BEGAIN: variants seen among roughly 807,000 people sequenced by gnomAD.
The protein encoded by BEGAIN is brain-enriched guanylate kinase-associated protein.
Under a neutral mutation model 35.8 loss-of-function variants are expected in BEGAIN, and 19 were observed. That is an observed-to-expected ratio of 0.53 (90% CI 0.37 to 0.78). The LOEUF is 0.78. Among genes scored for constraint, BEGAIN ranks in the 30% least tolerant of loss-of-function variants. The pLI is 0.00. For synonymous variants in BEGAIN, 462 were observed against 388.6 expected (o/e 1.19, Z -2.22); for missense variants, 795 against 853.6 (o/e 0.93, Z 0.85).
rs1296613253 is a variant in BEGAIN, at chr14:100,538,524, G to A, written c.1284C>T (p.Leu428=). The change falls in exon 7 of 7, where the codon CTC becomes CTT. Residue 428 remains leucine, a synonymous_variant. Transcript: ENST00000554140. ...SLRAKPGTAR[L]PGEDMRGQWR... ...ACTGGCCCCTCATGTCCTCCCCGGG[G>A]AGCCGGGCGGTCCCCGGCTTGGCCC... The A allele has an allele frequency of 1.3e-6, 2 of 1,519,268 alleles. No homozygotes were observed. The highest frequency in any genetic ancestry group is 2.3e-5 in the Admixed American group (1 of 44,106). 94.1% of individuals were successfully genotyped at this position (1,519,268 alleles called of 1,614,324 possible). A position where few individuals can be genotyped will look rare whatever the true frequency, so the allele number is the denominator to read the frequency against.
intron 1 of BEGAIN, among the ~76,000 whole-genome samples, chr14:100,571,805 C>T (rs770626463): frequency 3.3e-5 from 5 of 152,218 alleles, no homozygotes; most frequent in Non-Finnish European, 7.3e-5. Flanking sequence ...CCAGGCTCAC[C>T]TGGCCCATCC....
In BEGAIN at chr14:100,568,894, C is replaced by T; in HGVS notation, c.43-955G>A. 5.1e-6 allele frequency: 5 copies of T among 985,244 alleles called. No individual in the cohort carries two copies. The highest frequency in any genetic ancestry group is 6.0e-6 in the Non-Finnish European group (5 of 830,160). The allele number at this position is 985,244 out of a possible 1,614,324, so 61.0% of individuals were successfully genotyped here. ...GGGTCCGAGCTCAGGGACCACGCGACAGACCTGGGAAGACTGATGACTGCC... is the reference window on the plus strand; with the variant it reads ...GGGTCCGAGCTCAGGGACCACGCGATAGACCTGGGAAGACTGATGACTGCC... On this transcript the variant is annotated intron_variant, in intron 1 of 6. Transcript: ENST00000554140. This position sits in a 1 kb window ranked among gnomAD's most constrained non-coding sequence, Gnocchi z 7.5.
chr14:100,574,193 C>T (rs2035152921), intron 1 of BEGAIN, among the ~76,000 whole-genome samples: 1 of 152,238 alleles, frequency 6.6e-6, no homozygotes, highest in Non-Finnish European at 1.5e-5. Context: ...CTTATCTGAT[C>T]AATGGGAGAG....
intron 2 of BEGAIN, among the ~76,000 whole-genome samples, chr14:100,559,080 G>A (rs550146953): frequency 1.9e-4 from 29 of 152,306 alleles, no homozygotes; most frequent in Non-Finnish European, 3.2e-4. Context: ...GGGCCCCAGA[G>A]ATGCTCACAC....
At position 100,537,904 on chromosome 14, in the gene BEGAIN, G is replaced by A. The variant is rs1197302523; in HGVS notation, c.*65C>T. On this transcript the variant is annotated 3_prime_UTR_variant, in exon 7 of 7. Transcript: ENST00000554140. ...ACAGCGGGGGCTGGGGAGAGGTGAG[G>A]CCGGCCCTTCTGGGGCACGTGGGCT... The A allele has an allele frequency of 2.0e-6, 3 of 1,526,164 alleles. No homozygotes were observed. Among genetic ancestry groups the A allele is most frequent in the Non-Finnish European group, 2.6e-6 (3 of 1,136,282 alleles). The allele number at this position is 1,526,164 out of a possible 1,614,324, so 94.5% of individuals were successfully genotyped here.
chr14:100,563,050 AG>A lies in BEGAIN; in HGVS notation c.71+4860del, dbSNP rs2034409872. ...CCTTTGAGGGGGGGCGTGGAGGGGC[AG>A]GGCAGGACAGGGTCAGGACCTTCGA... On this transcript the variant is annotated intron_variant, in intron 2 of 6. Coordinates refer to ENST00000554140, the MANE Select transcript of BEGAIN (RefSeq NM_001385089.1). This position sits in a 1 kb window ranked among gnomAD's most constrained non-coding sequence, Gnocchi z 4.2. Among the ~76,000 whole-genome samples the A allele has an allele frequency of 6.6e-6, 1 of 152,158 alleles. No individual in the cohort carries two copies. Among genetic ancestry groups the A allele is most frequent in the African/African-American group, 2.4e-5 (1 of 41,442 alleles).
Position 100,568,351 on chromosome 14 carries a change from C to T in BEGAIN, c.43-412G>A. On this transcript the variant is annotated intron_variant, in intron 1 of 6. Coordinates refer to ENST00000554140, the MANE Select transcript of BEGAIN (RefSeq NM_001385089.1). This position sits in a 1 kb window ranked among gnomAD's most constrained non-coding sequence, Gnocchi z 7.5. ...AACCCTTCCTGCCCCGCGCTCCCTC[C>T]CGGAGGAAGCCGAACCCCGGAATCG... 8.9e-7 allele frequency: 1 copy of T among 1,125,234 alleles called. No individual in the cohort carries two copies. Among genetic ancestry groups the T allele is most frequent in the Non-Finnish European group, 1.2e-6 (1 of 848,270 alleles). The allele number at this position is 1,125,234 out of a possible 1,614,324, so 69.7% of individuals were successfully genotyped here. A position where few individuals can be genotyped will look rare whatever the true frequency, so the allele number is the denominator to read the frequency against.
intron 1 of BEGAIN, chr14:100,569,540 T>A (rs2034998887): frequency 6.5e-6 from 1 of 153,222 alleles, no homozygotes; most frequent in African/African-American, 2.4e-5. Context: ...CTGTCTTTCC[T>A]GGCCCTTTCC....
intron 1 of BEGAIN, among the ~76,000 whole-genome samples, chr14:100,577,014 T>C (rs1393851342): frequency 1.3e-5 from 2 of 152,112 alleles, no homozygotes; most frequent in Non-Finnish European, 2.9e-5. Flanking sequence ...GGTTCAAAAA[T>C]GTAAAAGGAT....
In BEGAIN at chr14:100,567,996, G is replaced by T; in HGVS notation, c.43-57C>A. ...CAGGAGGCGTGCGCTCCGCGGCCGC[G>T]CCGGGCAGAGCCGGGCACAGCGGGC... On this transcript the variant is annotated intron_variant, in intron 1 of 6. Coordinates refer to ENST00000554140, the MANE Select transcript of BEGAIN (RefSeq NM_001385089.1). The surrounding 1 kb of genome is among the most constrained non-coding windows in gnomAD (Gnocchi z 5.1). 7.4e-7 allele frequency: 1 copy of T among 1,358,248 alleles called. No homozygotes were observed. Among genetic ancestry groups the T allele is most frequent in the Non-Finnish European group, 9.6e-7 (1 of 1,036,636 alleles). The allele number at this position is 1,358,248 out of a possible 1,614,324, so 84.1% of individuals were successfully genotyped here. A position where few individuals can be genotyped will look rare whatever the true frequency, so the allele number is the denominator to read the frequency against.
At position 100,546,632 on chromosome 14, in the gene BEGAIN, G is replaced by T. The variant is rs759565546; in HGVS notation, c.102C>A (p.Arg34=). The T allele has an allele frequency of 6.3e-7, 1 of 1,579,782 alleles. No homozygotes were observed. Among genetic ancestry groups the T allele is most frequent in the Non-Finnish European group, 8.6e-7 (1 of 1,167,770 alleles). ...TGTGTGTGGTGTAGGACAGCCGCTT[G>T]CGCAGCTCGCCCTTCTGCTCCTGCA... The part of the protein sequence containing the change: ...SALQEQKGEL[R]KRLSYTTHKL... The change falls in exon 3 of 7, where the codon CGC becomes CGA. Residue 34 remains arginine (R), a synonymous_variant. Transcript: ENST00000554140.
intron 2 of BEGAIN, chr14:100,549,489 T>C (rs1054334177): frequency 6.6e-6 from 1 of 152,456 alleles, no homozygotes; most frequent in Non-Finnish European, 1.5e-5. Context: ...GGGGTTCAGC[T>C]TCTCACACCT....
intron 1 of BEGAIN, among the ~76,000 whole-genome samples, chr14:100,576,067 GGGAAACTGA>G (rs2035195246): frequency 6.6e-6 from 1 of 152,142 alleles, no homozygotes. Flanking sequence ...TTCACTGCTG[GGGAAACTGA>G]GGCATGATGA....
At position 100,545,412 on chromosome 14, in the gene BEGAIN, C is replaced by A. The variant is rs1009133016; in HGVS notation, c.234-346G>T. The A allele has an allele frequency of 4.5e-6, 5 of 1,119,914 alleles. No homozygotes were observed. In the East Asian group the frequency reaches 3.1e-4, roughly 70 times the overall value. The allele number at this position is 1,119,914 out of a possible 1,614,324, so 69.4% of individuals were successfully genotyped here. Reference sequence around the variant, plus strand: ...ACATTTGACCCACAATTCTTACAAACCTGTTATGGGGTTGACAGTTCAAAT... The same window carrying A: ...ACATTTGACCCACAATTCTTACAAAACTGTTATGGGGTTGACAGTTCAAAT... On this transcript the variant is annotated intron_variant, in intron 3 of 6. Coordinates refer to ENST00000554140, the MANE Select transcript of BEGAIN (RefSeq NM_001385089.1).
rs556534858 is a variant in BEGAIN at position 100,563,521 on chromosome 14, T to A, written c.71+4390A>T. Among the ~76,000 whole-genome samples, 2 of 152,228 alleles carry A rather than the reference T, an allele frequency of 1.3e-5. No homozygotes were observed. The highest frequency in any genetic ancestry group is 1.3e-4 in the Admixed American group (2 of 15,292). On this transcript the variant is annotated intron_variant, in intron 2 of 6. Coordinates refer to ENST00000554140, the MANE Select transcript of BEGAIN (RefSeq NM_001385089.1). The surrounding 1 kb of genome is among the most constrained non-coding windows in gnomAD (Gnocchi z 4.2). ...AGTGTGAAGAGCTCCCACAAATCAATGGGAAAAACACCTTGGTAGAAAATG... is the reference window on the plus strand; with the variant it reads ...AGTGTGAAGAGCTCCCACAAATCAAAGGGAAAAACACCTTGGTAGAAAATG...
At position 100,584,935 on chromosome 14, in the gene BEGAIN, C is replaced by T. The variant is rs560653844; in HGVS notation, c.42+2314G>A. ...ATCTGTCCCAGGGATCCTTACCTCC[C>T]TTAGGGGGAGGAGCCACACCTCCCC... On this transcript the variant is annotated intron_variant, in intron 1 of 6. Transcript: ENST00000554140. Among the ~76,000 whole-genome samples, 41 of 152,216 alleles carry T rather than the reference C, an allele frequency of 2.7e-4. 1 individual carries two copies. The South Asian group carries it at 8.5e-3, about 32-fold the overall frequency.
At chr14:100,559,199 C>A (rs917044267) in intron 2 of BEGAIN, among the ~76,000 whole-genome samples, 1 of 152,020 alleles carries the variant, frequency 6.6e-6, no homozygotes, top group Non-Finnish European at 1.5e-5. Context: ...AGGGGAGCTG[C>A]GCGGTGGGCC....
chr14:100,570,333 G>C (rs771956024), intron 1 of BEGAIN, among the ~76,000 whole-genome samples: 8 of 152,206 alleles, frequency 5.3e-5, no homozygotes, highest in Non-Finnish European at 1.0e-4. Flanking sequence ...AGCAGTGGGG[G>C]CTGGGCAGGG....
At chr14:100,561,995 C>T (rs1255058258) in intron 2 of BEGAIN, among the ~76,000 whole-genome samples, 3 of 152,152 alleles carry the variant, frequency 2.0e-5, no homozygotes, top group Non-Finnish European at 4.4e-5. Flanking sequence ...CCCCTGAGCC[C>T]CTAGCTGCAA....
Sources: gnomAD v4.1 joint callset for allele counts (sites outside exome capture counted in the v4.1 genomes callset) on GRCh38, gnomAD v4.1.1 for gene constraint, Gnocchi (gnomAD v3.1) non-coding constraint, MANE v1.5 for transcripts, NCBI Gene and HGNC (gene_info 2026-07-23, HGNC 2026-07-21) for gene names.